Variants in OGDH observed in about 807,000 individuals in gnomAD.
OGDH encodes oxoglutarate dehydrogenase.
OGDH carries 38 observed loss-of-function variants against 116.6 expected under a neutral mutation model. That is an observed-to-expected ratio of 0.33 (90% confidence interval 0.25 to 0.43). OGDH has a LOEUF of 0.43. OGDH is among the 20% of genes least tolerant of loss of function. The probability of loss-of-function intolerance (pLI) is 1.00; values close to 1 mark genes in which losing one functional copy is unlikely to be tolerated. For synonymous variants in OGDH, 488 were observed against 533.3 expected, an observed-to-expected ratio of 0.92 and a Z score of 1.17; for missense variants, 825 against 1,357.2, an observed-to-expected ratio of 0.61 and a Z score of 6.16.
chr7:44,659,919 A>G (rs1465109054), intron 4 of OGDH, among the ~76,000 whole-genome samples: 2 of 152,024 alleles, frequency 1.3e-5, no homozygotes, highest in Non-Finnish European at 2.9e-5. Context: ...TGCTGTTTTC[A>G]ATTTCATTGA....
At chr7:44,692,880 T>A (rs1291552544) in intron 10 of OGDH, among the ~76,000 whole-genome samples, 2 of 149,066 alleles carry the variant, frequency 1.3e-5, no homozygotes, top group Non-Finnish European at 3.0e-5. Context: ...ACAAAAAAAA[T>A]TTAAAAATTA....
At chr7:44,643,622 A>G (rs977460490) in intron 2 of OGDH, among the ~76,000 whole-genome samples, 1 of 152,062 alleles carries the variant, frequency 6.6e-6, no homozygotes, top group African/African-American at 2.4e-5. Flanking sequence ...TTATAAAAGA[A>G]CCTGTCTGAA....
intron 2 of OGDH, among the ~76,000 whole-genome samples, chr7:44,639,402 G>A (rs1785828362): frequency 6.6e-6 from 1 of 152,174 alleles, no homozygotes; most frequent in African/African-American, 2.4e-5. Flanking sequence ...GCCAGTGGGT[G>A]CCTGGGAGCT....
intron 2 of OGDH, among the ~76,000 whole-genome samples, chr7:44,633,252 CAAAAAA>C (rs1163808681): frequency 1.2e-5 from 1 of 81,684 alleles, no homozygotes; most frequent in Non-Finnish European, 2.3e-5. Context: ...GACTCTGTGT[CAAAAAA>C]AAAAAAAAAA....
At chr7:44,643,988 C>G (rs1407348952) in intron 2 of OGDH, among the ~76,000 whole-genome samples, 1 of 152,194 alleles carries the variant, frequency 6.6e-6, no homozygotes, top group Non-Finnish European at 1.5e-5. Context: ...AAGTGGATCA[C>G]TTGAGGTCAA....
In OGDH at chr7:44,698,271, A is replaced by G. The variant is rs201185666; in HGVS notation, c.2430+8A>G. On this transcript the variant is annotated splice_region_variant and intron_variant, in intron 18 of 22. Coordinates refer to ENST00000222673, the MANE Select transcript of OGDH (RefSeq NM_002541.4). ...GACCCAGATGTCCTGCCAGTGAGTA[A>G]TACAGGCCCTGTCAGCCCAGCCATT... 4.3e-6 allele frequency: 7 copies of G among 1,613,262 alleles called. No individual in the cohort carries two copies. In the African/African-American group the frequency reaches 5.3e-5, roughly 12 times the overall value.
intron 9 of OGDH, among the ~76,000 whole-genome samples, chr7:44,677,157 A>C (rs909776515): frequency 6.6e-6 from 1 of 152,236 alleles, no homozygotes; most frequent in Admixed American, 6.5e-5. Flanking sequence ...AATAATCAGA[A>C]AAAAAATCAA....
rs1787758642 is a variant in OGDH, at chr7:44,677,685, ACAGTGAAACC to A, written c.1206+1538_1206+1547del. On this transcript the variant is annotated intron_variant, in intron 9 of 22. Coordinates refer to ENST00000222673, the MANE Select transcript of OGDH (RefSeq NM_002541.4). Reference sequence around the variant, plus strand: ...GGAGTTCGAGACCATCCTGGCTAACACAGTGAAACCCCATCTCTACTAAAAATACAAAAAA... The same window carrying A: ...GGAGTTCGAGACCATCCTGGCTAACACCATCTCTACTAAAAATACAAAAAA... 2.6e-5 allele frequency among the ~76,000 whole-genome samples: 4 copies of A among 152,084 alleles called. No individual in the cohort carries two copies. The South Asian group carries it at 8.3e-4, about 32-fold the overall frequency.
At chr7:44,627,731 G>A (rs1449006979) in intron 2 of OGDH, among the ~76,000 whole-genome samples, 1 of 152,068 alleles carries the variant, frequency 6.6e-6, no homozygotes, top group Admixed American at 6.5e-5. Flanking sequence ...AGGCTGCAGT[G>A]CAGTGAGGTG....
In OGDH at chr7:44,651,631, G is replaced by A. The variant is rs548524359; in HGVS notation, c.517+3872G>A. Among the ~76,000 whole-genome samples, 4 of 151,712 alleles carry A rather than the reference G, an allele frequency of 2.6e-5. No homozygotes were observed. The East Asian group carries it at 5.8e-4, about 22-fold the overall frequency. Reference sequence around the variant, plus strand: ...GGCTGGAGTGCAATGGCACCATCTCGGCTCACTGCACTCTCCGCCTCCCGG... The same window carrying A: ...GGCTGGAGTGCAATGGCACCATCTCAGCTCACTGCACTCTCCGCCTCCCGG... On this transcript the variant is annotated intron_variant, in intron 4 of 22. Transcript: ENST00000222673.
chr7:44,671,257 AAG>A (rs1351355800), intron 5 of OGDH, among the ~76,000 whole-genome samples: 2 of 152,082 alleles, frequency 1.3e-5, no homozygotes, highest in East Asian at 1.9e-4. Context: ...GAGGGGAAGC[AAG>A]AGAGAGTGTG....
chr7:44,663,141 T>C (rs1342924795), intron 4 of OGDH, among the ~76,000 whole-genome samples: 2 of 152,212 alleles, frequency 1.3e-5, no homozygotes, highest in Non-Finnish European at 2.9e-5. Flanking sequence ...GTTCTTCAGA[T>C]TGGTTAATTT....
chr7:44,642,851 G>A (rs549353300), intron 2 of OGDH, among the ~76,000 whole-genome samples: 2 of 151,982 alleles, frequency 1.3e-5, no homozygotes, highest in Admixed American at 1.3e-4. Context: ...GAACCCAGGA[G>A]GCAGAGGTTG....
intron 4 of OGDH, among the ~76,000 whole-genome samples, chr7:44,651,231 A>T (rs1284043953): frequency 6.6e-6 from 1 of 152,222 alleles, no homozygotes; most frequent in Non-Finnish European, 1.5e-5. Context: ...GTTTTTTAAT[A>T]AAGTGGAATA....
chr7:44,621,592 A>G (rs1029042524), intron 1 of OGDH, among the ~76,000 whole-genome samples: 1 of 152,056 alleles, frequency 6.6e-6, no homozygotes, highest in Non-Finnish European at 1.5e-5. Flanking sequence ...TAAAAATCTC[A>G]GCTGGGTGTG....
chr7:44,645,547 G>T (rs764610940), intron 3 of OGDH, 29 bp downstream of exon 3: 12 of 1,607,802 alleles, frequency 7.5e-6, no homozygotes, highest in Non-Finnish European at 1.0e-5. Flanking sequence ...CCGCACACGG[G>T]AAAGGGTGCA....
chr7:44,674,584 G>C (rs780630258), intron 7 of OGDH, 27 bp downstream of exon 7: 1 of 1,613,026 alleles, frequency 6.2e-7, no homozygotes, highest in South Asian at 1.1e-5. Flanking sequence ...GCCCAACCTG[G>C]TTTCTCACCA....
intron 1 of OGDH, among the ~76,000 whole-genome samples, chr7:44,608,906 C>G (rs1421918517): frequency 6.6e-6 from 1 of 151,994 alleles, no homozygotes; most frequent in Non-Finnish European, 1.5e-5. Context: ...TGTTCCTTTC[C>G]CACTTCTCTA....
intron 4 of OGDH, among the ~76,000 whole-genome samples, chr7:44,664,423 C>T (rs1363912777): frequency 6.6e-6 from 1 of 152,180 alleles, no homozygotes; most frequent in East Asian, 1.9e-4. Context: ...TGGTATTTGC[C>T]TGTAGTAGAG....
Sources: gnomAD v4.1 joint callset for allele counts (sites outside exome capture counted in the v4.1 genomes callset) on GRCh38, gnomAD v4.1.1 for gene constraint, MANE v1.5 for transcripts, NCBI Gene and HGNC (gene_info 2026-07-23, HGNC 2026-07-21) for gene names.